Variants in LRRTM4 observed in about 807,000 individuals in gnomAD.
LRRTM4 encodes leucine rich repeat transmembrane neuronal 4.
LRRTM4 carries 25 observed loss-of-function variants against 47.6 expected under a neutral mutation model. The observed-to-expected ratio is 0.53, with a 90% CI of 0.38 to 0.73. The LOEUF is 0.73. LRRTM4 is among the 30% of genes least tolerant of loss of function. The pLI is 0.00. For missense variants in LRRTM4, 638 were observed against 713.4 expected, an observed-to-expected ratio of 0.89 and a Z score of 1.20; for synonymous variants, 311 against 269.5, an observed-to-expected ratio of 1.15 and a Z score of -1.51.
intron 3 of LRRTM4, among the ~76,000 whole-genome samples, chr2:76,810,362 G>A (rs1236603036): frequency 6.6e-6 from 1 of 152,000 alleles, no homozygotes; most frequent in Admixed American, 6.6e-5. Context: ...TCCACCAAAA[G>A]AATATAACCT....
intron 3 of LRRTM4, among the ~76,000 whole-genome samples, chr2:77,081,096 T>TC (rs1680514859): frequency 6.6e-6 from 1 of 152,208 alleles, no homozygotes; most frequent in Non-Finnish European, 1.5e-5. Context: ...TTTTCAGTTC[T>TC]CATTGCCTTT....
chr2:77,348,024 TAC>T (rs10597438), intron 3 of LRRTM4, among the ~76,000 whole-genome samples: 67,676 of 148,358 alleles, frequency 0.46, 16,191 homozygotes, highest in East Asian at 0.66. Context: ...AAAACACAAG[TAC>T]ACACACACAC....
At chr2:77,351,614 T>A (rs868027925) in intron 3 of LRRTM4, among the ~76,000 whole-genome samples, 1 of 135,404 alleles carries the variant, frequency 7.4e-6, no homozygotes, top group Non-Finnish European at 1.6e-5. Flanking sequence ...CATGACAAAT[T>A]TATATATATA....
intron 3 of LRRTM4, among the ~76,000 whole-genome samples, chr2:77,059,420 A>G (rs1679713561): frequency 6.6e-6 from 1 of 151,938 alleles, no homozygotes; most frequent in Non-Finnish European, 1.5e-5. Context: ...ATTAGAACCA[A>G]ATAACAAGAA....
chr2:77,027,348 T>A (rs1354815086), intron 3 of LRRTM4, among the ~76,000 whole-genome samples: 1 of 152,188 alleles, frequency 6.6e-6, no homozygotes, highest in Non-Finnish European at 1.5e-5. Flanking sequence ...AACTCATAAA[T>A]GCTTTTTAAA....
intron 3 of LRRTM4, among the ~76,000 whole-genome samples, chr2:76,782,072 T>G (rs2104164250): frequency 6.6e-6 from 1 of 152,338 alleles, no homozygotes; most frequent in South Asian, 2.1e-4. Context: ...AATGACTTCA[T>G]TTTTTCCTCA....
chr2:76,780,532 T>G (rs1483884494), intron 3 of LRRTM4, among the ~76,000 whole-genome samples: 4 of 152,134 alleles, frequency 2.6e-5, no homozygotes, highest in Admixed American at 2.6e-4. Flanking sequence ...CTGATACCCT[T>G]TTTTCCAGTT....
chr2:76,944,868 G>A (rs930086860), intron 3 of LRRTM4, among the ~76,000 whole-genome samples: 1 of 151,978 alleles, frequency 6.6e-6, no homozygotes, highest in African/African-American at 2.4e-5. Flanking sequence ...TATTTGTAAA[G>A]GTTAAATCTA....
At chr2:76,979,904 C>A (rs1459586677) in intron 3 of LRRTM4, among the ~76,000 whole-genome samples, 1 of 151,910 alleles carries the variant, frequency 6.6e-6, no homozygotes, top group Non-Finnish European at 1.5e-5. Context: ...ACCCCTTCTT[C>A]TGGAAATAAA....
At chr2:76,923,879 AT>A (rs1167132452) in intron 3 of LRRTM4, among the ~76,000 whole-genome samples, 2 of 152,092 alleles carry the variant, frequency 1.3e-5, no homozygotes, top group Non-Finnish European at 2.9e-5. Context: ...TTCAAAGAGA[AT>A]ATCTTATTGC....
chr2:77,245,204 A>C (rs1266180630), intron 3 of LRRTM4, among the ~76,000 whole-genome samples: 1 of 104,022 alleles, frequency 9.6e-6, no homozygotes, highest in African/African-American at 3.9e-5. Context: ...AAACAGATAG[A>C]AATAATACTT....
At chr2:76,942,542 A>G (rs1011868509) in intron 3 of LRRTM4, among the ~76,000 whole-genome samples, 1 of 151,414 alleles carries the variant, frequency 6.6e-6, no homozygotes, top group Non-Finnish European at 1.5e-5. Context: ...CAGCCAGATA[A>G]AATAGAAAAT....
At chr2:76,931,723 T>C (rs1186855470) in intron 3 of LRRTM4, among the ~76,000 whole-genome samples, 1 of 152,118 alleles carries the variant, frequency 6.6e-6, no homozygotes, top group Non-Finnish European at 1.5e-5. Context: ...AAAAATTCAT[T>C]TGGCCCTCAG....
At chr2:76,839,244 T>A (rs1452221326) in intron 3 of LRRTM4, among the ~76,000 whole-genome samples, 1 of 152,092 alleles carries the variant, frequency 6.6e-6, no homozygotes, top group Non-Finnish European at 1.5e-5. Flanking sequence ...TACAGACATT[T>A]TATCCTCAAA....
At chr2:76,808,244 T>C (rs893684353) in intron 3 of LRRTM4, among the ~76,000 whole-genome samples, 2 of 151,986 alleles carry the variant, frequency 1.3e-5, no homozygotes, top group South Asian at 2.1e-4. Context: ...GGTCTCGAAC[T>C]CCTGACTTCG....
chr2:77,215,585 G>A (rs1473681565), intron 3 of LRRTM4, among the ~76,000 whole-genome samples: 1 of 151,856 alleles, frequency 6.6e-6, no homozygotes, highest in Admixed American at 6.6e-5. Flanking sequence ...TCATACTTAG[G>A]GCAAAAATAT....
chr2:76,949,696 G>A (rs563957559), intron 3 of LRRTM4, among the ~76,000 whole-genome samples: 1 of 151,926 alleles, frequency 6.6e-6, no homozygotes, highest in Non-Finnish European at 1.5e-5. Flanking sequence ...TCTGTAAAAT[G>A]TGTTACTTCT....
At chr2:76,894,241 A>G (rs1475279536) in intron 3 of LRRTM4, among the ~76,000 whole-genome samples, 2 of 152,048 alleles carry the variant, frequency 1.3e-5, no homozygotes, top group East Asian at 3.9e-4. Context: ...TAAGGCATTC[A>G]TGCACATGCT....
chr2:76,884,584 C>T (rs1673017767), intron 3 of LRRTM4, among the ~76,000 whole-genome samples: 1 of 152,020 alleles, frequency 6.6e-6, no homozygotes, highest in Non-Finnish European at 1.5e-5. Context: ...GTACATAAAG[C>T]ATTATTATGT....
Sources: allele counts gnomAD v4.1 joint callset (sites outside exome capture counted in the v4.1 genomes callset), GRCh38; gene constraint gnomAD v4.1.1; transcripts MANE v1.5; gene names NCBI Gene and HGNC (gene_info 2026-07-23, HGNC 2026-07-21).